Variants in TMEM62 observed in about 807,000 individuals in gnomAD.
TMEM62 encodes transmembrane protein 62.
A neutral mutation model predicts 70.4 loss-of-function variants in TMEM62; 41 were observed. The observed-to-expected ratio is 0.58, with a 90% CI of 0.45 to 0.76. The LOEUF (loss-of-function observed/expected upper bound fraction) is 0.76. Among genes scored for constraint, TMEM62 ranks in the 30% least tolerant of loss-of-function variants. The pLI is 0.00. For synonymous variants in TMEM62, 268 were observed against 291.0 expected (o/e 0.92, Z 0.80); for missense variants, 688 against 788.5 (o/e 0.87, Z 1.53).
At chr15:43,142,565 C>T (rs2036176130) in intron 4 of TMEM62, among the ~76,000 whole-genome samples, 1 of 152,184 alleles carries the variant, frequency 6.6e-6, no homozygotes, top group African/African-American at 2.4e-5. Context: ...CCTGATCAGT[C>T]AGCAGCCACC....
chr15:43,140,215 C>T (rs1414476710), intron 4 of TMEM62, among the ~76,000 whole-genome samples: 1 of 152,160 alleles, frequency 6.6e-6, no homozygotes, highest in East Asian at 1.9e-4. Flanking sequence ...AGGGGAGCTG[C>T]GTACTGTTCA....
At chr15:43,170,743 G>A (rs2040099218) in intron 11 of TMEM62, among the ~76,000 whole-genome samples, 1 of 152,112 alleles carries the variant, frequency 6.6e-6, no homozygotes, top group Admixed American at 6.5e-5. Flanking sequence ...GAAACCTGAT[G>A]GAAAGATACT....
At position 43,177,021 on chromosome 15, in the gene TMEM62, C is replaced by T. The variant is rs947199986; in HGVS notation, c.1382-1586C>T. On this transcript the variant is annotated intron_variant, in intron 11 of 13. Transcript: ENST00000260403. ...GCTGATGGAGCTGAAAGCCAAGGCT[C>T]GAGAACTACGTGAAGAATGTAGAAG... Among the ~76,000 whole-genome samples the T allele has an allele frequency of 3.9e-5, 6 of 151,906 alleles. 1 individual carries two copies. Among genetic ancestry groups the T allele is most frequent in the South Asian group, 2.1e-4 (1 of 4,828 alleles).
chr15:43,151,966 AT>A, intron 8 of TMEM62, 21 bp downstream of exon 8: 1 of 1,570,636 alleles, frequency 6.4e-7, no homozygotes, highest in Non-Finnish European at 8.7e-7. Context: ...ATTTTTTAGA[AT>A]TTACTTTCAG....
At chr15:43,173,562 G>A (rs1022940451) in intron 11 of TMEM62, among the ~76,000 whole-genome samples, 1 of 152,078 alleles carries the variant, frequency 6.6e-6, no homozygotes, top group African/African-American at 2.4e-5. Context: ...TTCCCTATAC[G>A]TGCCATGCTC....
chr15:43,154,613 C>T, intron 8 of TMEM62, 59 bp from the exon 9 acceptor site: 1 of 1,488,220 alleles, frequency 6.7e-7, no homozygotes, highest in Non-Finnish European at 9.1e-7. Flanking sequence ...AGGTTATTCT[C>T]CTTTGCAAAA....
At chr15:43,151,731 C>A in intron 7 of TMEM62, 59 bp from the exon 8 acceptor site, 1 of 1,490,202 alleles carries the variant, frequency 6.7e-7, no homozygotes, top group Non-Finnish European at 9.2e-7. Context: ...TGTATATTAC[C>A]TTCATGACCT....
At chr15:43,162,812 T>C (rs2038911000) in intron 10 of TMEM62, among the ~76,000 whole-genome samples, 1 of 152,146 alleles carries the variant, frequency 6.6e-6, no homozygotes, top group South Asian at 2.1e-4. Flanking sequence ...TAAATAATGC[T>C]TGTAACTAAG....
intron 9 of TMEM62, among the ~76,000 whole-genome samples, chr15:43,158,889 T>TA (rs1296467798): frequency 6.6e-6 from 1 of 152,190 alleles, no homozygotes; most frequent in African/African-American, 2.4e-5. Context: ...TATTGATGTA[T>TA]AAAAAATACT....
In TMEM62 at chr15:43,151,771, A is replaced by G; in HGVS notation, c.867-19A>G. ...CAATGTGAAGTGACTAAATTACCTT[A>G]TCATTATCTGGTCTTTAGGTACCGG... On this transcript the variant is annotated intron_variant, in intron 7 of 13. Transcript: ENST00000260403. 6.2e-7 allele frequency: 1 copy of G among 1,610,066 alleles called. No individual in the cohort carries two copies. The highest frequency in any genetic ancestry group is 8.5e-7 in the Non-Finnish European group (1 of 1,178,174).
chr15:43,139,739 C>T (rs777784084), intron 4 of TMEM62, among the ~76,000 whole-genome samples: 4 of 152,200 alleles, frequency 2.6e-5, no homozygotes, highest in African/African-American at 4.8e-5. Flanking sequence ...CCCTTCAATT[C>T]TATGAAGGCT....
At chr15:43,146,694 A>G in intron 5 of TMEM62, 60 bp downstream of exon 5, 2 of 1,432,538 alleles carry the variant, frequency 1.4e-6, no homozygotes, top group Non-Finnish European at 1.9e-6. Context: ...ATACGTGTGG[A>G]TCACTTAAAG....
chr15:43,169,242 G>A lies in TMEM62; in HGVS notation c.1297-351G>A, dbSNP rs553498604. The stretch of plus-strand genomic sequence containing the variant: ...TCAATTTGGTGTTCTGAGGGGAAAG[G>A]GGTGGATGATTGCTGGAAGGTTCTA... On this transcript the variant is annotated intron_variant, in intron 10 of 13. Transcript: ENST00000260403. The A allele has an allele frequency of 1.5e-4, 28 of 185,052 alleles. No homozygotes were observed. The South Asian group carries it at 3.9e-3, about 26-fold the overall frequency. The allele number at this position is 185,052 out of a possible 1,614,324, so 11.5% of individuals were successfully genotyped here.
In TMEM62 at chr15:43,138,625, G is replaced by A. The variant is rs1377858790; in HGVS notation, c.476+6G>A. 3.1e-6 allele frequency: 5 copies of A among 1,593,450 alleles called. No homozygotes were observed. In the South Asian group the frequency reaches 3.3e-5, roughly 11 times the overall value. ...AGCATCAAGAATTATTACAGGTACT[G>A]TAATAAACAGAAGACAGACCACTAT... On this transcript the variant is annotated splice_donor_region_variant and intron_variant, in intron 4 of 13. Transcript: ENST00000260403.
At chr15:43,174,959 T>A (rs2040576624) in intron 11 of TMEM62, among the ~76,000 whole-genome samples, 1 of 152,226 alleles carries the variant, frequency 6.6e-6, no homozygotes, top group African/African-American at 2.4e-5. Flanking sequence ...TATTTCTCAA[T>A]CCTGACTGCT....
intron 11 of TMEM62, among the ~76,000 whole-genome samples, chr15:43,171,264 A>T (rs778282046): frequency 6.6e-6 from 1 of 151,724 alleles, no homozygotes; most frequent in Non-Finnish European, 1.5e-5. Flanking sequence ...TGAACTTGGG[A>T]GGCAGAGGTT....
chr15:43,175,008 C>G (rs2040580322), intron 11 of TMEM62, among the ~76,000 whole-genome samples: 1 of 152,124 alleles, frequency 6.6e-6, no homozygotes, highest in Non-Finnish European at 1.5e-5. Flanking sequence ...TCCCTCTACC[C>G]CAGGCAAATT....
chr15:43,147,247 A>G (rs768155188), intron 5 of TMEM62, among the ~76,000 whole-genome samples: 15 of 152,354 alleles, frequency 9.8e-5, no homozygotes, highest in Non-Finnish European at 1.9e-4. Flanking sequence ...TACAGGCATG[A>G]GCCACTGTGC....
At chr15:43,164,926 C>T (rs1390351785) in intron 10 of TMEM62, among the ~76,000 whole-genome samples, 1 of 152,086 alleles carries the variant, frequency 6.6e-6, no homozygotes, top group Non-Finnish European at 1.5e-5. Context: ...AGTCTGCTGC[C>T]AGACATATTG....
Sources: allele counts gnomAD v4.1 joint callset (sites outside exome capture counted in the v4.1 genomes callset), GRCh38; gene constraint gnomAD v4.1.1; transcripts MANE v1.5; gene names NCBI Gene and HGNC (gene_info 2026-07-23, HGNC 2026-07-21).